Variants in VGLL4 observed in about 807,000 individuals in gnomAD.
VGLL4 encodes transcription cofactor vestigial-like protein 4.
VGLL4 carries 7 observed loss-of-function variants against 21.0 expected under a neutral mutation model. The ratio of observed to expected loss-of-function variants is 0.33; its 90% CI spans 0.19 to 0.63. VGLL4 has a LOEUF of 0.63. VGLL4 is among the 20% of genes least tolerant of loss of function. The pLI is 0.78. For synonymous variants in VGLL4, 222 were observed against 173.2 expected (o/e 1.28, Z -2.21); for missense variants, 394 against 425.7 (o/e 0.93, Z 0.66).
chr3:11,585,922 C>CCGTT (rs1299372305), intron 2 of VGLL4, among the ~76,000 whole-genome samples: 1 of 152,120 alleles, frequency 6.6e-6, no homozygotes, highest in African/African-American at 2.4e-5. Context: ...CGACCCCCTG[C>CCGTT]CGTTGGTCCC....
At chr3:11,621,321 A>C (rs1477315403) in intron 1 of VGLL4, among the ~76,000 whole-genome samples, 1 of 151,962 alleles carries the variant, frequency 6.6e-6, no homozygotes. Flanking sequence ...ATTAGCAGTC[A>C]CTCCCCATAT....
chr3:11,714,460 G>A (rs1187268672), intron 1 of VGLL4, among the ~76,000 whole-genome samples: 2 of 152,026 alleles, frequency 1.3e-5, no homozygotes, highest in Admixed American at 1.3e-4. Flanking sequence ...GGAGGCCAAG[G>A]CAGGTGGATC....
chr3:11,583,628 C>CA (rs2074291893), intron 2 of VGLL4, among the ~76,000 whole-genome samples: 1 of 152,026 alleles, frequency 6.6e-6, no homozygotes, highest in Non-Finnish European at 1.5e-5. Context: ...AAAAAGAGGA[C>CA]AAAAAAAGAA....
chr3:11,568,549 G>A lies in VGLL4; in HGVS notation c.273-3530C>T, dbSNP rs750753506. On this transcript the variant is annotated intron_variant, in intron 2 of 4. Transcript: ENST00000430365. This position sits in a 1 kb window ranked among gnomAD's most constrained non-coding sequence, Gnocchi z 5.9. ...GTCAGACAAAGACACTGAAAACAGC[G>A]AGAAAAGGCCTGGAGAACTGGCTGG... 30 of 1,550,634 alleles carry A rather than the reference G, an allele frequency of 1.9e-5. No homozygotes were observed. Among genetic ancestry groups the A allele is most frequent in the South Asian group, 3.6e-5 (3 of 84,056 alleles).
At chr3:11,658,453 C>G (rs563712938) in intron 2 of VGLL4, among the ~76,000 whole-genome samples, 1 of 151,964 alleles carries the variant, frequency 6.6e-6, no homozygotes, top group African/African-American at 2.4e-5. Context: ...GAAAGCTGAC[C>G]TGTAAAACGG....
chr3:11,571,587 A>G (rs905039020), intron 2 of VGLL4, among the ~76,000 whole-genome samples: 1 of 152,020 alleles, frequency 6.6e-6, no homozygotes, highest in Non-Finnish European at 1.5e-5. Context: ...GGATGGCTGG[A>G]GCCCAGTAAG....
chr3:11,689,278 G>T (rs185217699), intron 2 of VGLL4, among the ~76,000 whole-genome samples: 32 of 152,170 alleles, frequency 2.1e-4, no homozygotes, highest in African/African-American at 7.7e-4. Context: ...TGCATCTGAT[G>T]CATGTTAAGA....
At chr3:11,708,387 G>C (rs2076791487) in intron 1 of VGLL4, among the ~76,000 whole-genome samples, 1 of 152,182 alleles carries the variant, frequency 6.6e-6, no homozygotes, top group Middle Eastern at 3.2e-3. Context: ...GAGCAGGGAG[G>C]GTGGGAAAAG....
chr3:11,614,092 G>C (rs1323370947), intron 1 of VGLL4, among the ~76,000 whole-genome samples: 2 of 152,230 alleles, frequency 1.3e-5, no homozygotes, highest in Non-Finnish European at 2.9e-5. Flanking sequence ...ACCCGGCACG[G>C]TGCCGCCTCC....
chr3:11,640,840 G>T (rs2075675297), intron 1 of VGLL4, among the ~76,000 whole-genome samples: 1 of 152,168 alleles, frequency 6.6e-6, no homozygotes, highest in South Asian at 2.1e-4. Context: ...AGTACAGGCT[G>T]AGTGCGGTGG....
At chr3:11,677,467 G>T (rs1013706765) in intron 2 of VGLL4, among the ~76,000 whole-genome samples, 2 of 151,824 alleles carry the variant, frequency 1.3e-5, no homozygotes, top group African/African-American at 4.8e-5. Context: ...AAAACATGAG[G>T]TCTCGCTATG....
At chr3:11,642,316 T>G (rs959333339) in intron 1 of VGLL4, among the ~76,000 whole-genome samples, 1 of 152,204 alleles carries the variant, frequency 6.6e-6, no homozygotes, top group Non-Finnish European at 1.5e-5. Flanking sequence ...TGTTGTTGTT[T>G]TTTTTCCTTG....
At chr3:11,612,635 CCTCAGAGGCCT>C (rs2075085136) in intron 1 of VGLL4, 1 of 152,184 alleles carries the variant, frequency 6.6e-6, no homozygotes. Flanking sequence ...TCTCAGGTAG[CCTCAGAGGCCT>C]CTGAGTAAAC....
chr3:11,610,835 G>C (rs2075047311), intron 1 of VGLL4: 1 of 152,202 alleles, frequency 6.6e-6, no homozygotes, highest in South Asian at 2.1e-4. Context: ...TATCTTCTAT[G>C]AGTGTGTTTT....
chr3:11,665,093 A>ACATTTT lies in VGLL4; in HGVS notation c.64+37877_64+37878insAAAATG, dbSNP rs1302893979. ...GTTCACCAAAATGAAAGCAATTTGA[A>ACATTTT]TATTTTTCTTTTTTTTTTTTTTTTT... On this transcript the variant is annotated intron_variant, in intron 2 of 5. Coordinates refer to the VGLL4 transcript ENST00000273038. Among the ~76,000 whole-genome samples, 214 of 113,692 alleles carry ACATTTT rather than the reference A, an allele frequency of 1.9e-3. 58 individuals carry two copies. The highest frequency in any genetic ancestry group is 1.8e-3 in the Non-Finnish European group (95 of 52,174). The allele number at this position is 113,692 out of a possible 152,430, so 74.6% of individuals were successfully genotyped here. A position where few individuals can be genotyped will look rare whatever the true frequency, so the allele number is the denominator to read the frequency against.
intron 1 of VGLL4, among the ~76,000 whole-genome samples, chr3:11,640,114 GC>G (rs1379863192): frequency 6.6e-6 from 1 of 152,170 alleles, no homozygotes; most frequent in African/African-American, 2.4e-5. Flanking sequence ...AGAATACAAG[GC>G]AGTATATAAT....
intron 1 of VGLL4, among the ~76,000 whole-genome samples, chr3:11,641,215 G>A (rs1177834192): frequency 6.6e-6 from 1 of 151,124 alleles, no homozygotes; most frequent in African/African-American, 2.4e-5. Context: ...TAGCTGGTAA[G>A]AATAATTAAC....
intron 2 of VGLL4, among the ~76,000 whole-genome samples, chr3:11,573,331 GAAAGAAAGAAAGAAAGAAAGAAAGAAAGA>G (rs2073917916): frequency 6.0e-5 from 3 of 50,032 alleles, no homozygotes; most frequent in Non-Finnish European, 1.3e-4. Flanking sequence ...AAGAAAGAAA[GAAAGAAAGAAAGAAAGAAAGAAAGAAAGA>G]AAGAAAGAAA....
chr3:11,671,156 A>G, intron 2 of VGLL4: 2 of 1,284,630 alleles, frequency 1.6e-6, no homozygotes, highest in Non-Finnish European at 2.1e-6. Context: ...ATGAGGCTTT[A>G]GATAAACATA....
Sources: allele counts gnomAD v4.1 joint callset (sites outside exome capture counted in the v4.1 genomes callset), GRCh38; gene constraint gnomAD v4.1.1; non-coding constraint Gnocchi (gnomAD v3.1); transcripts MANE v1.5; gene names NCBI Gene and HGNC (gene_info 2026-07-23, HGNC 2026-07-21).